The following TENM4 variants were observed in gnomAD, a reference collection of about 807,000 sequenced individuals.
TENM4 encodes the protein teneurin transmembrane protein 4.
TENM4 carries 82 observed loss-of-function variants against 243.3 expected under a neutral mutation model. That is an observed-to-expected ratio of 0.34 (90% CI 0.28 to 0.40). The LOEUF (loss-of-function observed/expected upper bound fraction) is 0.40, where lower values mean the gene tolerates loss of function less well. Among genes scored for constraint, TENM4 ranks in the 10% least tolerant of loss-of-function variants. The pLI, the probability that TENM4 is intolerant of heterozygous loss-of-function variation, is 1.00. For missense variants in TENM4, 3,138 were observed against 3,673.3 expected (o/e 0.85, Z 3.77); for synonymous variants, 1,412 against 1,456.3 (o/e 0.97, Z 0.69).
chr11:79,035,607 C>A (rs999085797), intron 6 of TENM4, among the ~76,000 whole-genome samples: 2 of 151,708 alleles, frequency 1.3e-5, no homozygotes, highest in Admixed American at 6.6e-5. Context: ...TTGGAGCTAT[C>A]TTGTTAACAC....
intron 3 of TENM4, among the ~76,000 whole-genome samples, chr11:79,210,540 G>A (rs1016827269): frequency 9.2e-5 from 14 of 152,202 alleles, no homozygotes; most frequent in East Asian, 1.9e-4. Context: ...CCAAGCAAGC[G>A]TGGAGTCGTG....
At chr11:79,216,261 A>G (rs562146429) in intron 2 of TENM4, among the ~76,000 whole-genome samples, 1 of 152,306 alleles carries the variant, frequency 6.6e-6, no homozygotes, top group African/African-American at 2.4e-5. Flanking sequence ...TGCCCTTTAT[A>G]CAACCCAAGC....
At chr11:78,854,382 C>A in intron 11 of TENM4, 68 bp from the exon 12 acceptor site, 1 of 1,378,072 alleles carries the variant, frequency 7.3e-7, no homozygotes, top group East Asian at 2.6e-5. Context: ...CTTCCCGGGG[C>A]TTCTCCTGGA....
In TENM4 at chr11:79,009,482, C is replaced by T. The variant is rs80036694; in HGVS notation, c.493+55256G>A. Among the ~76,000 whole-genome samples, 473 of 152,228 alleles carry T rather than the reference C, an allele frequency of 3.1e-3. 22 individuals are homozygous for T. The East Asian group carries it at 0.079, about 25-fold the overall frequency. On this transcript the variant is annotated intron_variant, in intron 6 of 33. Transcript: ENST00000278550. The stretch of plus-strand genomic sequence containing the variant: ...CCTGGAAATAAAACAAGTACACCTG[C>T]GACTAGAGTCCAAGGAATGGGGTAA...
At chr11:78,945,418 T>G (rs1326911394) in intron 6 of TENM4, among the ~76,000 whole-genome samples, 1 of 152,166 alleles carries the variant, frequency 6.6e-6, no homozygotes, top group Non-Finnish European at 1.5e-5. Context: ...GTGATAAAGG[T>G]TTGTGTTCTG....
At chr11:79,164,553 A>ATATTATATATACTATATAG in intron 3 of TENM4, among the ~76,000 whole-genome samples, 1 of 144,392 alleles carries the variant, frequency 6.9e-6, no homozygotes, top group South Asian at 2.1e-4. Flanking sequence ...ATATATCTAT[A>ATATTATATATACTATATAG]TACTATATAT....
intron 7 of TENM4, among the ~76,000 whole-genome samples, chr11:78,900,516 C>A (rs1159564329): frequency 6.6e-6 from 1 of 152,084 alleles, no homozygotes; most frequent in African/African-American, 2.4e-5. Flanking sequence ...CATTTTTATC[C>A]ACAGGGTGGA....
chr11:78,824,490 C>A (rs1487248542), intron 12 of TENM4, among the ~76,000 whole-genome samples: 3 of 148,582 alleles, frequency 2.0e-5, no homozygotes. Context: ...TTGGGGATTG[C>A]ATTTCTTTCT....
chr11:78,862,847 A>G, intron 10 of TENM4, 115 bp downstream of exon 10: 2 of 1,099,026 alleles, frequency 1.8e-6, no homozygotes, highest in Non-Finnish European at 2.4e-6. Flanking sequence ...GGATGGAGGG[A>G]GCGCCAGAGC....
At position 78,658,321 on chromosome 11, in the gene TENM4, A is replaced by G. The variant is rs769781599; in HGVS notation, c.8047T>C (p.Leu2683=). ...LCLNTRYGTT[L]DEEKARVLEL... ...AGGACCCGTGCCTTCTCCTCATCCA[A>G]CGTTGTCCCGTAGCGTGTGTTCAAG... The change falls in exon 34 of 34, where the codon TTG becomes CTG. Residue 2683 remains leucine (L), a synonymous_variant. Transcript: ENST00000278550. The G allele has an allele frequency of 2.5e-6, 4 of 1,613,294 alleles. No homozygotes were observed. The South Asian group carries it at 3.3e-5, about 13-fold the overall frequency.
intron 3 of TENM4, among the ~76,000 whole-genome samples, chr11:79,166,767 G>C (rs1050286308): frequency 2.0e-5 from 3 of 152,216 alleles, no homozygotes; most frequent in African/African-American, 7.2e-5. Flanking sequence ...GCTTCATAGA[G>C]AGGCAGAATC....
chr11:78,998,290 G>A lies in TENM4; in HGVS notation c.493+66448C>T, dbSNP rs192444138. On this transcript the variant is annotated intron_variant, in intron 6 of 33. Transcript: ENST00000278550. ...TGGAGGACACTGGGCAAGTCACTTA[G>A]CCTCTCTGAGCTTCACTTTCTTTAT... Among the ~76,000 whole-genome samples the A allele has an allele frequency of 2.4e-3, 359 of 152,302 alleles. 2 individuals are homozygous for A. Among genetic ancestry groups the A allele is most frequent in the African/African-American group, 7.8e-3 (326 of 41,570 alleles).
In TENM4 at chr11:78,658,158, T is replaced by C; in HGVS notation, c.8210A>G (p.Tyr2737Cys). The C allele has an allele frequency of 6.2e-7, 1 of 1,614,036 alleles. No homozygotes were observed. Among genetic ancestry groups the C allele is most frequent in the Non-Finnish European group, 8.5e-7 (1 of 1,179,894 alleles). Residue 2737 changes from tyrosine (Y) to cysteine (C), a missense_variant, in exon 34 of 34, where the codon TAC becomes TGC. Transcript: ENST00000278550. ...QVLSTGRVQG[Y>C]DGFFVISVEQ... ...GACAGAGATCACGAAAAAGCCGTCG[T>C]AGCCTTGCACCCGCCCTGTGCTCAG...
At position 79,421,679 on chromosome 11, in the gene TENM4, T is replaced by C. The variant is rs1858933992; in HGVS notation, c.-321+18830A>G. On this transcript the variant is annotated intron_variant, in intron 1 of 33. Coordinates refer to ENST00000278550, the MANE Select transcript of TENM4 (RefSeq NM_001098816.3). The stretch of plus-strand genomic sequence containing the variant: ...AGCTAAAGGAACGGAACAAGGAAAA[T>C]GTGTAATCTTCCCTGGCTCTGAAAT... Among the ~76,000 whole-genome samples the C allele has an allele frequency of 2.0e-5, 3 of 149,738 alleles. No homozygotes were observed. The South Asian group carries it at 6.3e-4, about 32-fold the overall frequency.
At chr11:79,180,674 T>C (rs1417238933) in intron 3 of TENM4, among the ~76,000 whole-genome samples, 1 of 151,512 alleles carries the variant, frequency 6.6e-6, no homozygotes, top group Non-Finnish European at 1.5e-5. Flanking sequence ...TTTGTAACAA[T>C]GCAGTTAAAC....
intron 3 of TENM4, among the ~76,000 whole-genome samples, chr11:79,174,211 G>A (rs1863111347): frequency 6.6e-6 from 1 of 151,852 alleles, no homozygotes; most frequent in Admixed American, 6.6e-5. Context: ...TCTGTTCTTT[G>A]CCCGGGTGCT....
chr11:78,776,276 C>T (rs1856738376), intron 17 of TENM4, among the ~76,000 whole-genome samples: 1 of 152,166 alleles, frequency 6.6e-6, no homozygotes, highest in South Asian at 2.1e-4. Flanking sequence ...TTAAATTCCG[C>T]AATCTATAAG....
intron 1 of TENM4, among the ~76,000 whole-genome samples, chr11:79,405,869 A>AAAC: frequency 6.6e-6 from 1 of 151,566 alleles, no homozygotes; most frequent in Non-Finnish European, 1.5e-5. Context: ...AAAAAAAAAA[A>AAAC]AACAACTAGC....
chr11:78,715,719 G>A (rs1859506301), intron 25 of TENM4, among the ~76,000 whole-genome samples: 1 of 152,206 alleles, frequency 6.6e-6, no homozygotes. Flanking sequence ...GCTGTCGAAT[G>A]ACTAAGTCCC....
Sources: gnomAD v4.1 joint callset for allele counts (sites outside exome capture counted in the v4.1 genomes callset) on GRCh38, gnomAD v4.1.1 for gene constraint, MANE v1.5 for transcripts, NCBI Gene and HGNC (gene_info 2026-07-23, HGNC 2026-07-21) for gene names.